Variants in GRIA1 observed in about 807,000 individuals in gnomAD.
GRIA1 encodes glutamate receptor 1.
Under a neutral mutation model 99.2 loss-of-function variants are expected in GRIA1, and 31 were observed. That is an observed-to-expected ratio of 0.31 (90% CI 0.23 to 0.42). The LOEUF is 0.42. Among genes scored for constraint, GRIA1 ranks in the 10% least tolerant of loss-of-function variants. The probability of loss-of-function intolerance (pLI) is 1.00; values close to 1 mark genes in which losing one functional copy is unlikely to be tolerated. For synonymous variants in GRIA1, 438 were observed against 432.4 expected (o/e 1.01, Z -0.16); for missense variants, 782 against 1,157.5 (o/e 0.68, Z 4.71).
intron 2 of GRIA1, among the ~76,000 whole-genome samples, chr5:153,593,865 C>G (rs1403907711): frequency 6.6e-6 from 1 of 152,140 alleles, no homozygotes; most frequent in Non-Finnish European, 1.5e-5. Context: ...CAGTTATGCT[C>G]TCATTTTGGC....
At chr5:153,758,876 A>G (rs1581607428) in intron 11 of GRIA1, among the ~76,000 whole-genome samples, 2 of 151,986 alleles carry the variant, frequency 1.3e-5, no homozygotes, top group East Asian at 3.8e-4. Context: ...TTAAAAATCA[A>G]AATTATGTTA....
At chr5:153,502,458 T>TG (rs1324728552) in intron 2 of GRIA1, among the ~76,000 whole-genome samples, 30 of 152,310 alleles carry the variant, frequency 2.0e-4, no homozygotes, top group African/African-American at 6.7e-4. Context: ...TCCAAAGTTA[T>TG]GGGGGTGAAA....
intron 2 of GRIA1, among the ~76,000 whole-genome samples, chr5:153,575,189 A>ACGAGAGAAAGAG (rs1561654895): frequency 3.0e-5 from 2 of 66,206 alleles, no homozygotes; most frequent in Non-Finnish European, 2.7e-5. Context: ...CATGGAAATC[A>ACGAGAGAAAGAG]AGAGAGAAAG....
intron 11 of GRIA1, among the ~76,000 whole-genome samples, chr5:153,738,192 A>G (rs1274812375): frequency 6.6e-6 from 1 of 152,230 alleles, no homozygotes; most frequent in Non-Finnish European, 1.5e-5. Context: ...GTCATTGTCC[A>G]GGGAAGTCTG....
At chr5:153,585,251 T>C (rs1372320655) in intron 2 of GRIA1, among the ~76,000 whole-genome samples, 1 of 142,340 alleles carries the variant, frequency 7.0e-6, no homozygotes, top group Non-Finnish European at 1.5e-5. Flanking sequence ...CCCCCTCCCC[T>C]CATTTCTCTC....
chr5:153,682,877 C>T (rs1021720108), intron 7 of GRIA1, among the ~76,000 whole-genome samples: 5 of 152,278 alleles, frequency 3.3e-5, no homozygotes, highest in Middle Eastern at 6.8e-3. Context: ...GACATTAACC[C>T]GCATTCTCTC....
At position 153,812,683 on chromosome 5, in the gene GRIA1, A is replaced by G. The variant is rs1427539317; in HGVS notation, c.*1458A>G. On this transcript the variant is annotated 3_prime_UTR_variant, in exon 16 of 16. Transcript: ENST00000285900. The stretch of plus-strand genomic sequence containing the variant: ...ATGATTGGGGCTACAAAGCTGAACT[A>G]AAGCAAGATTGGTGAAGTGGCAGGG... The G allele has an allele frequency of 6.6e-6, 1 of 152,160 alleles. No individual in the cohort carries two copies. Among genetic ancestry groups the G allele is most frequent in the African/African-American group, 2.4e-5 (1 of 41,466 alleles). The allele number at this position is 152,160 out of a possible 1,614,324, so 9.4% of individuals were successfully genotyped here.
chr5:153,510,978 T>A (rs1756011686), intron 2 of GRIA1, among the ~76,000 whole-genome samples: 2 of 152,158 alleles, frequency 1.3e-5, no homozygotes, highest in Non-Finnish European at 2.9e-5. Flanking sequence ...TTAGTCATGC[T>A]GATTAAGCAA....
At chr5:153,507,772 C>CT (rs980376648) in intron 2 of GRIA1, among the ~76,000 whole-genome samples, 2 of 152,194 alleles carry the variant, frequency 1.3e-5, no homozygotes, top group African/African-American at 4.8e-5. Flanking sequence ...GGCTTCCCAT[C>CT]TTATTTTAAG....
intron 1 of GRIA1, chr5:153,492,433 T>G: frequency 1.1e-6 from 1 of 916,968 alleles, no homozygotes; most frequent in East Asian, 3.0e-5. Flanking sequence ...TTTCATTCAT[T>G]GCAGAGGAGG....
At chr5:153,758,749 A>AGTT (rs1762989271) in intron 11 of GRIA1, among the ~76,000 whole-genome samples, 1 of 152,038 alleles carries the variant, frequency 6.6e-6, no homozygotes, top group Non-Finnish European at 1.5e-5. Flanking sequence ...TCCATTCAAG[A>AGTT]GTTGTAGGAT....
chr5:153,541,131 T>C (rs1276866898), intron 2 of GRIA1, among the ~76,000 whole-genome samples: 1 of 152,232 alleles, frequency 6.6e-6, no homozygotes, highest in African/African-American at 2.4e-5. Flanking sequence ...CTGGCATAAC[T>C]TGGCCCCTAA....
chr5:153,641,529 C>T (rs888065271), intron 2 of GRIA1, among the ~76,000 whole-genome samples: 2 of 152,158 alleles, frequency 1.3e-5, no homozygotes, highest in Admixed American at 6.5e-5. Context: ...TTCCTGGCCT[C>T]GTTTTTTACT....
intron 11 of GRIA1, among the ~76,000 whole-genome samples, chr5:153,754,134 C>A (rs1762668702): frequency 6.6e-6 from 1 of 152,152 alleles, no homozygotes. Flanking sequence ...GCTCTCATTC[C>A]CAGCCCTGGC....
intron 2 of GRIA1, among the ~76,000 whole-genome samples, chr5:153,555,321 C>G (rs1327942668): frequency 2.6e-5 from 4 of 151,464 alleles, no homozygotes; most frequent in African/African-American, 9.7e-5. Context: ...TTGAGTGTCA[C>G]TACATACAGG....
chr5:153,578,766 G>A (rs999336497), intron 2 of GRIA1, among the ~76,000 whole-genome samples: 5 of 152,092 alleles, frequency 3.3e-5, no homozygotes, highest in African/African-American at 1.2e-4. Context: ...AAATTAGCTG[G>A]GCATGGTGGC....
intron 2 of GRIA1, among the ~76,000 whole-genome samples, chr5:153,580,504 C>T (rs960572943): frequency 2.6e-5 from 4 of 152,272 alleles, no homozygotes; most frequent in African/African-American, 9.6e-5. Flanking sequence ...CAAGTGTGAA[C>T]CTTGTAGCCT....
intron 13 of GRIA1, among the ~76,000 whole-genome samples, chr5:153,791,092 G>A (rs374420809): frequency 4.0e-5 from 6 of 151,534 alleles, no homozygotes; most frequent in Middle Eastern, 3.4e-3. Context: ...AACCAGAATC[G>A]CCCCCGGGCC....
At chr5:153,741,467 C>T (rs1761782573) in intron 11 of GRIA1, among the ~76,000 whole-genome samples, 1 of 152,156 alleles carries the variant, frequency 6.6e-6, no homozygotes, top group South Asian at 2.1e-4. Context: ...ATATTTATTA[C>T]AGCCCTATTC....
Sources: allele counts gnomAD v4.1 joint callset (sites outside exome capture counted in the v4.1 genomes callset), GRCh38; gene constraint gnomAD v4.1.1; transcripts MANE v1.5; gene names NCBI Gene and HGNC (gene_info 2026-07-23, HGNC 2026-07-21).